Variants in GOLIM4 observed in about 807,000 individuals in gnomAD.
GOLIM4 encodes the protein 130 kDa golgi-localized phosphoprotein.
A neutral mutation model predicts 107.4 loss-of-function variants in GOLIM4; 71 were observed. That is an observed-to-expected ratio of 0.66 (90% CI 0.55 to 0.81). The LOEUF is 0.81. Among genes scored for constraint, GOLIM4 ranks in the 30% least tolerant of loss-of-function variants. The pLI is 0.00. For synonymous variants in GOLIM4, 327 were observed against 294.8 expected, an observed-to-expected ratio of 1.11 and a Z score of -1.12; for missense variants, 830 against 826.1, an observed-to-expected ratio of 1.00 and a Z score of -0.06.
intron 14 of GOLIM4, among the ~76,000 whole-genome samples, chr3:168,015,510 T>C (rs1717312938): frequency 7.3e-6 from 1 of 137,050 alleles, no homozygotes; most frequent in Non-Finnish European, 1.5e-5. Flanking sequence ...AAGCTACCAA[T>C]GCCTTTCTTC....
At position 168,010,153 on chromosome 3, in the gene GOLIM4, A is replaced by C; in HGVS notation, c.*116T>G. The C allele has an allele frequency of 1.1e-6, 1 of 918,652 alleles. No homozygotes were observed. Among genetic ancestry groups the C allele is most frequent in the Non-Finnish European group, 1.6e-6 (1 of 622,344 alleles). 56.9% of individuals were successfully genotyped at this position (918,652 alleles called of 1,614,324 possible). A position where few individuals can be genotyped will look rare whatever the true frequency, so the allele number is the denominator to read the frequency against. ...GCATTTCTAATACAAAAGTTTTAAA[A>C]AAGTCTAAGTTCTTAATTTTTGTAA... On this transcript the variant is annotated 3_prime_UTR_variant, in exon 16 of 16. Coordinates refer to ENST00000470487, the MANE Select transcript of GOLIM4 (RefSeq NM_014498.5).
At chr3:168,067,436 G>GCA (rs377080653) in intron 1 of GOLIM4, among the ~76,000 whole-genome samples, 6 of 146,678 alleles carry the variant, frequency 4.1e-5, no homozygotes, top group Admixed American at 6.9e-5. Context: ...AAACACACAC[G>GCA]CACACACACA....
intron 3 of GOLIM4, among the ~76,000 whole-genome samples, chr3:168,046,687 AATG>A (rs1719324333): frequency 6.6e-6 from 1 of 152,194 alleles, no homozygotes. Context: ...CAAACAAATA[AATG>A]AAATAATCTT....
chr3:168,024,890 C>G (rs1355879482), intron 13 of GOLIM4, 38 bp downstream of exon 13: 16 of 1,562,558 alleles, frequency 1.0e-5, no homozygotes, highest in Non-Finnish European at 1.4e-5. Context: ...CTTAAAATAG[C>G]CCAGTTAAAT....
At chr3:168,091,107 C>T (rs1721885515) in intron 1 of GOLIM4, among the ~76,000 whole-genome samples, 2 of 152,178 alleles carry the variant, frequency 1.3e-5, no homozygotes, top group Admixed American at 1.3e-4. Flanking sequence ...TTCACCACAA[C>T]TCAATATATG....
chr3:168,011,194 C>T (rs77905110), intron 14 of GOLIM4, among the ~76,000 whole-genome samples: 26 of 148,730 alleles, frequency 1.7e-4, no homozygotes, highest in African/African-American at 2.4e-4. Flanking sequence ...GCGCACCATG[C>T]GCGAGCCAAA....
chr3:168,081,213 C>G (rs1282914673), intron 1 of GOLIM4, among the ~76,000 whole-genome samples: 1 of 152,168 alleles, frequency 6.6e-6, no homozygotes, highest in Non-Finnish European at 1.5e-5. Flanking sequence ...GAGATATTAA[C>G]AAAGAGAAAG....
intron 3 of GOLIM4, among the ~76,000 whole-genome samples, chr3:168,045,507 C>T (rs149760951): frequency 0.019 from 2,821 of 152,192 alleles, 92 homozygotes; most frequent in African/African-American, 0.065. Flanking sequence ...GGCTGAACTG[C>T]GTGTCCTGAG....
chr3:168,016,265 T>C (rs1192922032), intron 14 of GOLIM4, among the ~76,000 whole-genome samples: 1 of 134,982 alleles, frequency 7.4e-6, no homozygotes, highest in Non-Finnish European at 1.5e-5. Context: ...AGAAGACATT[T>C]ATGCAGACAA....
At chr3:168,016,880 T>C (rs957482320) in intron 14 of GOLIM4, among the ~76,000 whole-genome samples, 40 of 138,232 alleles carry the variant, frequency 2.9e-4, no homozygotes, top group Non-Finnish European at 8.9e-5. Flanking sequence ...TATTACACTC[T>C]GGGGACTGTG....
chr3:168,050,782 T>C (rs536427056), intron 1 of GOLIM4, among the ~76,000 whole-genome samples: 1 of 149,854 alleles, frequency 6.7e-6, no homozygotes, highest in South Asian at 2.1e-4. Flanking sequence ...AGCAGCAAAG[T>C]CCCCAGTATA....
chr3:168,068,396 A>G (rs73037487), intron 1 of GOLIM4, among the ~76,000 whole-genome samples: 1,775 of 152,252 alleles, frequency 0.012, 31 homozygotes, highest in African/African-American at 0.041. Context: ...ATCTCTTAAA[A>G]TGTGGCTTCT....
At chr3:168,081,448 A>C (rs976013766) in intron 1 of GOLIM4, among the ~76,000 whole-genome samples, 2 of 152,150 alleles carry the variant, frequency 1.3e-5, no homozygotes, top group East Asian at 3.9e-4. Context: ...GAATATTCTT[A>C]GCTGTTTGGC....
intron 1 of GOLIM4, among the ~76,000 whole-genome samples, chr3:168,090,174 G>A (rs181842585): frequency 6.6e-6 from 1 of 152,140 alleles, no homozygotes; most frequent in East Asian, 1.9e-4. Flanking sequence ...AGTGTTAGAG[G>A]AGCCCAATGC....
intron 1 of GOLIM4, among the ~76,000 whole-genome samples, chr3:168,085,045 T>C (rs1721553057): frequency 4.6e-5 from 7 of 152,170 alleles, no homozygotes; most frequent in Admixed American, 4.6e-4. Flanking sequence ...TGGTTTCTTC[T>C]TACTGTCTTA....
intron 1 of GOLIM4, among the ~76,000 whole-genome samples, chr3:168,068,816 T>C (rs1720682536): frequency 7.2e-6 from 1 of 139,356 alleles, no homozygotes; most frequent in South Asian, 2.1e-4. Flanking sequence ...TTCTGCACTT[T>C]AATTTATTTT....
rs149825970 is a variant in GOLIM4, at chr3:168,090,675, A to T, written c.187+4424T>A. 5.5e-3 allele frequency among the ~76,000 whole-genome samples: 841 copies of T among 152,300 alleles called. 9 individuals carry two copies. The highest frequency in any genetic ancestry group is 0.02 in the African/African-American group (811 of 41,550). ...CCAGCAATCCCAATACTAGGTATAT[A>T]CCCAAAGGGAAATAAATAATTATAC... is the stretch of plus-strand genomic sequence containing the variant. On this transcript the variant is annotated intron_variant, in intron 1 of 15. Transcript: ENST00000470487.
chr3:168,028,147 G>A (rs1296798916), intron 11 of GOLIM4, among the ~76,000 whole-genome samples: 1 of 152,178 alleles, frequency 6.6e-6, no homozygotes, highest in Non-Finnish European at 1.5e-5. Context: ...AGAAAGCCCA[G>A]TTGATTGGAC....
Position 168,040,805 on chromosome 3 carries a change from C to T in GOLIM4, c.665G>A (p.Ser222Asn), listed in dbSNP as rs777898116. ...TCTAACCTGTGCAGCAGCTAGTGCA[C>T]TCTTGTGGTCTTCCAAAGTCACTAC... ...QLVVTLEDHK[S>N]ALAAAQTQVA... The change falls in exon 7 of 16, where the codon AGT (serine) becomes AAT (asparagine). Residue 222 changes from serine (S) to asparagine (N), a missense_variant. Ser to Asn is a conservative substitution (Grantham distance 46). Transcript: ENST00000470487. 8 of 1,611,844 alleles carry T rather than the reference C, an allele frequency of 5.0e-6. No homozygotes were observed. The South Asian group carries it at 7.7e-5, about 15-fold the overall frequency.
Sources: gnomAD v4.1 joint callset for allele counts (sites outside exome capture counted in the v4.1 genomes callset) on GRCh38, gnomAD v4.1.1 for gene constraint, MANE v1.5 for transcripts, NCBI Gene and HGNC (gene_info 2026-07-23, HGNC 2026-07-21) for gene names.